JPH2: variants seen among roughly 807,000 people sequenced by gnomAD.
The protein encoded by JPH2 is junctophilin 2.
JPH2 carries 38 observed loss-of-function variants against 55.9 expected under a neutral mutation model. The observed-to-expected ratio is 0.68, with a 90% CI of 0.52 to 0.89. JPH2 has a LOEUF of 0.89. Among genes scored for constraint, JPH2 ranks in the 40% least tolerant of loss-of-function variants. The probability of loss-of-function intolerance (pLI) is 0.00; values close to 1 mark genes in which losing one functional copy is unlikely to be tolerated. For missense variants in JPH2, 964 were observed against 1,037.6 expected, an observed-to-expected ratio of 0.93 and a Z score of 0.97; for synonymous variants, 480 against 472.4, an observed-to-expected ratio of 1.02 and a Z score of -0.21.
At chr20:44,163,350 G>T (rs1283804649) in intron 1 of JPH2, among the ~76,000 whole-genome samples, 1 of 152,188 alleles carries the variant, frequency 6.6e-6, no homozygotes, top group Non-Finnish European at 1.5e-5. Context: ...TCCAAGGCTT[G>T]ATCTAACTCT....
At position 44,162,100 on chromosome 20, in the gene JPH2, C is replaced by T. The variant is rs1600859222; in HGVS notation, c.380-1693G>A. ...ATGTAGAACGGTACCTGATACATAA[C>T]GTTCACTGCACCGAAGGCAGAAATT... On this transcript the variant is annotated intron_variant, in intron 1 of 5. Transcript: ENST00000372980. Among the ~76,000 whole-genome samples, 6 of 152,320 alleles carry T rather than the reference C, an allele frequency of 3.9e-5. No homozygotes were observed. In the South Asian group the frequency reaches 6.2e-4, roughly 16 times the overall value.
At chr20:44,114,363 C>T (rs560693371) in intron 5 of JPH2, among the ~76,000 whole-genome samples, 3 of 152,224 alleles carry the variant, frequency 2.0e-5, no homozygotes, top group South Asian at 2.1e-4. Context: ...AGTGTTTGAA[C>T]GGTAAGACTT....
At chr20:44,166,076 T>C (rs909998367) in intron 1 of JPH2, among the ~76,000 whole-genome samples, 1 of 152,206 alleles carries the variant, frequency 6.6e-6, no homozygotes, top group African/African-American at 2.4e-5. Flanking sequence ...CTGTGCCAAA[T>C]AGGTACTCAG....
intron 1 of JPH2, chr20:44,177,563 G>A: frequency 1.7e-6 from 2 of 1,150,596 alleles, no homozygotes; most frequent in Non-Finnish European, 2.2e-6. Context: ...AGAATGCCCA[G>A]AAGCTGCCAA....
At chr20:44,130,843 A>G (rs1420951367) in intron 2 of JPH2, among the ~76,000 whole-genome samples, 1 of 152,126 alleles carries the variant, frequency 6.6e-6, no homozygotes, top group Admixed American at 6.5e-5. Flanking sequence ...GGGGGCCTCC[A>G]TTTATAACAC....
rs370699907 is a variant in JPH2, at chr20:44,175,225, C to T, written c.379+11102G>A. On this transcript the variant is annotated intron_variant, in intron 1 of 5. Transcript: ENST00000372980. Reference sequence around the variant, plus strand: ...CACCAGTCTGCCACTGACCCCATCTCTGAGAACACTACCTAGCACCTAGCA... The same window carrying T: ...CACCAGTCTGCCACTGACCCCATCTTTGAGAACACTACCTAGCACCTAGCA... Among the ~76,000 whole-genome samples the T allele has an allele frequency of 2.6e-5, 4 of 152,336 alleles. No homozygotes were observed. In the East Asian group the frequency reaches 7.7e-4, roughly 29 times the overall value.
At chr20:44,141,032 A>G (rs1208388081) in intron 2 of JPH2, among the ~76,000 whole-genome samples, 5 of 152,190 alleles carry the variant, frequency 3.3e-5, no homozygotes, top group Admixed American at 2.6e-4. Flanking sequence ...AGGAGGAGAC[A>G]TGAAAACAGA....
intron 2 of JPH2, among the ~76,000 whole-genome samples, chr20:44,124,608 G>C (rs562244666): frequency 1.3e-5 from 2 of 151,804 alleles, no homozygotes; most frequent in Non-Finnish European, 2.9e-5. Flanking sequence ...GAGGCCAGGA[G>C]TTTGAGACCA....
intron 1 of JPH2, among the ~76,000 whole-genome samples, chr20:44,175,270 C>T (rs1262871168): frequency 6.6e-6 from 1 of 152,188 alleles, no homozygotes; most frequent in African/African-American, 2.4e-5. Flanking sequence ...TAAATATTTG[C>T]CAAATGGCTT....
At chr20:44,180,898 A>G (rs1169032362) in intron 1 of JPH2, among the ~76,000 whole-genome samples, 1 of 151,834 alleles carries the variant, frequency 6.6e-6, no homozygotes, top group Non-Finnish European at 1.5e-5. Flanking sequence ...TAGGAGGTCC[A>G]GAGTCCGCGA....
At chr20:44,136,075 A>G (rs1319520887) in intron 2 of JPH2, among the ~76,000 whole-genome samples, 1 of 152,234 alleles carries the variant, frequency 6.6e-6, no homozygotes, top group Non-Finnish European at 1.5e-5. Flanking sequence ...ACCTGTACAC[A>G]GACAGCAAGG....
intron 3 of JPH2, among the ~76,000 whole-genome samples, chr20:44,118,302 C>G (rs1365909911): frequency 6.6e-6 from 1 of 152,202 alleles, no homozygotes; most frequent in Non-Finnish European, 1.5e-5. Context: ...CTGCTGCCCT[C>G]CCCTCGAGCT....
chr20:44,118,522 G>A lies in JPH2; in HGVS notation c.1271C>T (p.Pro424Leu), dbSNP rs375446898. ...GGCCCTACCTGGCTGGTAGAAGTCCGGAGCCAGCTCCCTGGCCAAAGTGCG... is the reference window on the plus strand; with the variant it reads ...GGCCCTACCTGGCTGGTAGAAGTCCAGAGCCAGCTCCCTGGCCAAAGTGCG... ...IARTLARELA[P>L]DFYQPGPEYQ... Residue 424 changes from proline (P) to leucine (L), a missense_variant, in exon 3 of 6, where the codon CCG (proline) becomes CTG (leucine). By Grantham distance (98) the Pro-to-Leu change is moderately conservative (BLOSUM62 -3). Transcript: ENST00000372980. 21 of 1,612,816 alleles carry A rather than the reference G, an allele frequency of 1.3e-5. No individual in the cohort carries two copies. Among genetic ancestry groups the A allele is most frequent in the Non-Finnish European group, 3.4e-6 (4 of 1,179,860 alleles).
intron 1 of JPH2, among the ~76,000 whole-genome samples, chr20:44,171,009 C>G (rs1387178973): frequency 6.6e-6 from 1 of 152,206 alleles, no homozygotes; most frequent in Non-Finnish European, 1.5e-5. Context: ...CCCCCCACTT[C>G]AGTTGACCCT....
chr20:44,153,808 C>T (rs2072547562), intron 2 of JPH2, among the ~76,000 whole-genome samples: 1 of 152,202 alleles, frequency 6.6e-6, no homozygotes, highest in African/African-American at 2.4e-5. Context: ...TGAGGTGCGT[C>T]TTCTAGAAGT....
chr20:44,175,018 A>G (rs2072723276), intron 1 of JPH2, among the ~76,000 whole-genome samples: 2 of 152,100 alleles, frequency 1.3e-5, no homozygotes, highest in Admixed American at 1.3e-4. Flanking sequence ...AAAGAAAACA[A>G]AATTTTAAAA....
intron 2 of JPH2, among the ~76,000 whole-genome samples, chr20:44,141,512 GT>G (rs34441989): frequency 0.19 from 28,078 of 147,692 alleles, 2,667 homozygotes; most frequent in Admixed American, 0.21. Flanking sequence ...AGTAGAAGCA[GT>G]TTTTTTTTTT....
chr20:44,172,479 A>G (rs2145890096), intron 1 of JPH2, among the ~76,000 whole-genome samples: 1 of 151,036 alleles, frequency 6.6e-6, no homozygotes, highest in African/African-American at 2.4e-5. Flanking sequence ...ATATATAAAT[A>G]TTTTTTGTTT....
In JPH2 at chr20:44,116,162, C is replaced by G. The variant is rs140740776; in HGVS notation, c.1513G>C (p.Gly505Arg). The G allele has an allele frequency of 5.7e-6, 8 of 1,414,262 alleles. No homozygotes were observed. The highest frequency in any genetic ancestry group is 3.2e-5 in the Admixed American group (1 of 31,648). The allele number at this position is 1,414,262 out of a possible 1,614,324, so 87.6% of individuals were successfully genotyped here. ...TTCCAGGCGCCTGGGCTCAGCAGGCCGTCCTTGGACACCCCGGGCCTGGGC... is the reference window on the plus strand; with the variant it reads ...TTCCAGGCGCCTGGGCTCAGCAGGCGGTCCTTGGACACCCCGGGCCTGGGC... The part of the protein sequence containing the change: ...KRPRPGVSKD[G>R]LLSPGAWNGE... The change falls in exon 4 of 6, where the codon GGC (glycine) becomes CGC (arginine). Residue 505 changes from glycine (G) to arginine (R), a missense_variant. By Grantham distance (125) the Gly-to-Arg change is moderately radical. Transcript: ENST00000372980.
Sources: allele counts gnomAD v4.1 joint callset (sites outside exome capture counted in the v4.1 genomes callset), GRCh38; gene constraint gnomAD v4.1.1; transcripts MANE v1.5; gene names NCBI Gene and HGNC (gene_info 2026-07-23, HGNC 2026-07-21).